Variants in ANKFN1 observed in about 807,000 individuals in gnomAD.
The protein encoded by ANKFN1 is ankyrin repeat and fibronectin type-III domain-containing protein 1.
In ANKFN1, 74 loss-of-function variants were observed where a neutral mutation model predicts 108.7. The observed-to-expected ratio is 0.68, with a 90% CI of 0.56 to 0.83. The LOEUF (loss-of-function observed/expected upper bound fraction) is 0.83, where lower values mean the gene tolerates loss of function less well. Ranked by LOEUF, ANKFN1 falls within the 40% of genes least tolerant of loss-of-function variation. The probability of loss-of-function intolerance (pLI) is 0.00; values close to 1 mark genes in which losing one functional copy is unlikely to be tolerated. For missense variants in ANKFN1, 1,505 were observed against 1,382.3 expected (o/e 1.09, Z -1.41); for synonymous variants, 547 against 516.2 (o/e 1.06, Z -0.81).
chr17:56,172,101 C>T (rs1302639140), intron 1 of ANKFN1, among the ~76,000 whole-genome samples: 1 of 152,152 alleles, frequency 6.6e-6, no homozygotes, highest in Non-Finnish European at 1.5e-5. Flanking sequence ...ATTTTATACT[C>T]TCTGCTTTTC....
chr17:56,428,460 T>G (rs1224379693), intron 8 of ANKFN1, among the ~76,000 whole-genome samples: 1 of 150,622 alleles, frequency 6.6e-6, no homozygotes. Context: ...GGAGCTTTTT[T>G]TCTTTTTTTT....
intron 3 of ANKFN1, among the ~76,000 whole-genome samples, chr17:56,309,505 A>AT (rs1293159399): frequency 6.6e-6 from 1 of 151,522 alleles, no homozygotes. Context: ...TGTTTCATTG[A>AT]TTTTCTCTAT....
intron 8 of ANKFN1, among the ~76,000 whole-genome samples, chr17:56,419,309 C>T (rs547572774): frequency 6.6e-6 from 1 of 151,898 alleles, no homozygotes; most frequent in African/African-American, 2.4e-5. Context: ...TGGCGAAACC[C>T]CATCTCTACT....
chr17:56,073,763 C>T (rs1022124029), intron 4 of ANKFN1, among the ~76,000 whole-genome samples: 11 of 152,224 alleles, frequency 7.2e-5, no homozygotes, highest in Non-Finnish European at 7.3e-5. Flanking sequence ...CAGAATCATA[C>T]AATATGTATT....
intron 3 of ANKFN1, among the ~76,000 whole-genome samples, chr17:56,236,005 T>C (rs1040715178): frequency 1.3e-5 from 2 of 152,114 alleles, no homozygotes; most frequent in African/African-American, 4.8e-5. Context: ...ATGGAATGTT[T>C]TTCCATTTAT....
upstream of ANKFN1, among the ~76,000 whole-genome samples, chr17:56,152,268 G>A (rs889075716): frequency 2.9e-4 from 20 of 69,136 alleles, no homozygotes; most frequent in South Asian, 0.011. Flanking sequence ...ATATATGTGT[G>A]TGTGTGTGTG....
At chr17:56,226,475 A>C (rs999614996) in intron 2 of ANKFN1, among the ~76,000 whole-genome samples, 1 of 152,124 alleles carries the variant, frequency 6.6e-6, no homozygotes, top group Non-Finnish European at 1.5e-5. Flanking sequence ...ACACGTAGAG[A>C]TTTTTTAATA....
intron 1 of ANKFN1, among the ~76,000 whole-genome samples, chr17:56,174,674 A>G (rs1910969813): frequency 6.6e-6 from 1 of 152,172 alleles, no homozygotes; most frequent in Admixed American, 6.5e-5. Context: ...GTCTCCAGGG[A>G]CACTCAGACC....
intron 4 of ANKFN1, among the ~76,000 whole-genome samples, chr17:56,128,658 G>A (rs1907085964): frequency 6.6e-6 from 1 of 152,156 alleles, no homozygotes; most frequent in Admixed American, 6.5e-5. Flanking sequence ...TTGCACTGGG[G>A]CAGTATTTCC....
intron 4 of ANKFN1, among the ~76,000 whole-genome samples, chr17:56,345,291 A>G (rs773327386): frequency 3.3e-5 from 5 of 152,160 alleles, no homozygotes; most frequent in Non-Finnish European, 4.4e-5. Context: ...CCAGCCTATC[A>G]TTGATGGGCA....
intron 8 of ANKFN1, among the ~76,000 whole-genome samples, chr17:56,411,904 G>C (rs909386465): frequency 6.6e-6 from 1 of 152,074 alleles, no homozygotes; most frequent in Non-Finnish European, 1.5e-5. Context: ...ATTTTCTTGA[G>C]GATTTTTGCA....
At chr17:56,080,795 AGT>A (rs1230226673) in intron 4 of ANKFN1, among the ~76,000 whole-genome samples, 1 of 152,250 alleles carries the variant, frequency 6.6e-6, no homozygotes, top group Non-Finnish European at 1.5e-5. Flanking sequence ...AGACATAGAA[AGT>A]GTGTGTTTTG....
intron 4 of ANKFN1, among the ~76,000 whole-genome samples, chr17:56,350,166 G>C (rs1397557468): frequency 6.6e-6 from 1 of 152,166 alleles, no homozygotes; most frequent in Non-Finnish European, 1.5e-5. Context: ...GGTAAGCAGG[G>C]ATGGACCTAT....
rs919603149 is a variant in ANKFN1, at chr17:56,072,467, A to G, written c.288+26142A>G. 5.9e-5 allele frequency among the ~76,000 whole-genome samples: 9 copies of G among 152,168 alleles called. 1 individual carries two copies. The highest frequency in any genetic ancestry group is 2.2e-4 in the African/African-American group (9 of 41,454). ...GTTAATGGTTCCTATTGCATGTTCA[A>G]TGAGCCTCCATTCCAGGAAAATTCC... On this transcript the variant is annotated intron_variant, in intron 4 of 12. Transcript: ENST00000635860.
chr17:56,217,123 A>G (rs1489657833), intron 2 of ANKFN1, among the ~76,000 whole-genome samples: 1 of 152,140 alleles, frequency 6.6e-6, no homozygotes, highest in Non-Finnish European at 1.5e-5. Flanking sequence ...ATAATTGAGG[A>G]TTGAATACGA....
At chr17:56,425,354 C>T (rs2048529731) in intron 8 of ANKFN1, among the ~76,000 whole-genome samples, 4 of 152,204 alleles carry the variant, frequency 2.6e-5, no homozygotes. Flanking sequence ...TGACATATAT[C>T]ATTGCACCAA....
At chr17:56,078,666 C>T (rs1905209623) in intron 4 of ANKFN1, among the ~76,000 whole-genome samples, 1 of 152,166 alleles carries the variant, frequency 6.6e-6, no homozygotes. Flanking sequence ...TAAGTCCTCT[C>T]TTTCTGAAAG....
chr17:56,432,043 C>A (rs191667442), intron 8 of ANKFN1, among the ~76,000 whole-genome samples: 32 of 152,314 alleles, frequency 2.1e-4, no homozygotes, highest in African/African-American at 7.5e-4. Flanking sequence ...CCTGTGGAAG[C>A]GCTGTCAGAG....
At chr17:56,402,592 A>G (rs2047794746) in intron 8 of ANKFN1, among the ~76,000 whole-genome samples, 1 of 152,008 alleles carries the variant, frequency 6.6e-6, no homozygotes, top group African/African-American at 2.4e-5. Flanking sequence ...TTTCTTGGTT[A>G]ATCTTGCTAA....
Sources: allele counts gnomAD v4.1 joint callset (sites outside exome capture counted in the v4.1 genomes callset), GRCh38; gene constraint gnomAD v4.1.1; transcripts MANE v1.5; gene names NCBI Gene and HGNC (gene_info 2026-07-23, HGNC 2026-07-21).